The following ANKS6 variants were observed in gnomAD, a reference collection of about 807,000 sequenced individuals.
The protein encoded by ANKS6 is ankyrin repeat and sterile alpha motif domain containing 6.
Under a neutral mutation model 77.9 loss-of-function variants are expected in ANKS6, and 47 were observed. The observed-to-expected ratio is 0.60, with a 90% CI of 0.48 to 0.77. The LOEUF (loss-of-function observed/expected upper bound fraction) is 0.77. ANKS6 is among the 30% of genes least tolerant of loss of function. ANKS6 has a pLI of 0.00. For missense variants in ANKS6, 1,150 were observed against 1,159.1 expected (o/e 0.99, Z 0.11); for synonymous variants, 488 against 501.7 (o/e 0.97, Z 0.37).
intron 14 of ANKS6, among the ~76,000 whole-genome samples, chr9:98,740,792 GA>G (rs796612310): frequency 4.6e-5 from 7 of 150,808 alleles, no homozygotes; most frequent in African/African-American, 1.5e-4. Flanking sequence ...TTCTCAAAAG[GA>G]AAAAAAACAG....
At chr9:98,751,150 G>C in intron 12 of ANKS6, 54 bp from the exon 13 acceptor site, 1 of 1,407,988 alleles carries the variant, frequency 7.1e-7, no homozygotes, top group Non-Finnish European at 9.9e-7. Flanking sequence ...TTGGTAAAGT[G>C]GTCTTCAAAC....
chr9:98,736,167 C>T lies in ANKS6; in HGVS notation c.*352G>A, dbSNP rs142157174. 2.8e-5 allele frequency: 33 copies of T among 1,160,506 alleles called. No individual in the cohort carries two copies. The Middle Eastern group carries it at 1.1e-3, about 37-fold the overall frequency. 71.9% of individuals were successfully genotyped at this position (1,160,506 alleles called of 1,614,324 possible). ...GCAAGGCAGGTAAGAAGCAGCCGTG[C>T]CTTCTCCATCGTCCCTTTCCCTTGC... On this transcript the variant is annotated 3_prime_UTR_variant, in exon 15 of 15. Transcript: ENST00000353234.
Position 98,734,139 on chromosome 9 carries a change from G to A in ANKS6, c.*2380C>T, listed in dbSNP as rs1831360226. On this transcript the variant is annotated 3_prime_UTR_variant, in exon 15 of 15. Transcript: ENST00000353234. The stretch of plus-strand genomic sequence containing the variant: ...TACCAGCCGCATCCAAACATCCCCA[G>A]AAAGGGTGCCAGGGACCTCTTGTGA... 1.0e-6 allele frequency: 1 copy of A among 985,374 alleles called. No individual in the cohort carries two copies. Among genetic ancestry groups the A allele is most frequent in the Non-Finnish European group, 1.2e-6 (1 of 830,022 alleles). The allele number at this position is 985,374 out of a possible 1,614,324, so 61.0% of individuals were successfully genotyped here.
At chr9:98,754,884 A>G (rs1832614751) in intron 12 of ANKS6, among the ~76,000 whole-genome samples, 1 of 152,186 alleles carries the variant, frequency 6.6e-6, no homozygotes, top group African/African-American at 2.4e-5. Context: ...GGGTACAAAC[A>G]GTCCATACAG....
chr9:98,793,513 T>C (rs577641924), intron 1 of ANKS6, among the ~76,000 whole-genome samples: 1 of 152,066 alleles, frequency 6.6e-6, no homozygotes, highest in Non-Finnish European at 1.5e-5. Context: ...AAAGGTTGTT[T>C]TTTGTTTTGT....
Position 98,760,931 on chromosome 9 carries a change from A to G in ANKS6, c.2143-4328T>C, listed in dbSNP as rs1008182604. ...AGTAGTCAGTTAGCTGGGTCATATC[A>G]TAAGTGAATGTTTAGTTTTATAAGA... On this transcript the variant is annotated intron_variant, in intron 11 of 14. Coordinates refer to ENST00000353234, the MANE Select transcript of ANKS6 (RefSeq NM_173551.5). Among the ~76,000 whole-genome samples the G allele has an allele frequency of 3.9e-5, 6 of 152,230 alleles. No individual in the cohort carries two copies. In the East Asian group the frequency reaches 9.6e-4, roughly 24 times the overall value.
At chr9:98,753,279 T>C (rs1172402657) in intron 12 of ANKS6, among the ~76,000 whole-genome samples, 3 of 152,220 alleles carry the variant, frequency 2.0e-5, no homozygotes, top group Non-Finnish European at 2.9e-5. Context: ...GCTGAGAGTT[T>C]TGTTTACATG....
chr9:98,786,803 G>C (rs1384185738), intron 2 of ANKS6, among the ~76,000 whole-genome samples: 4 of 152,184 alleles, frequency 2.6e-5, no homozygotes, highest in Admixed American at 6.5e-5. Flanking sequence ...CCTGGTCTTA[G>C]TGTTGGCTGC....
At chr9:98,778,468 A>G in intron 6 of ANKS6, 44 bp from the exon 7 acceptor site, 1 of 1,596,180 alleles carries the variant, frequency 6.3e-7, no homozygotes, top group South Asian at 1.1e-5. Context: ...CAGGAAGGGC[A>G]AGGAGACCAG....
At chr9:98,771,612 C>T (rs1397578959) in intron 9 of ANKS6, among the ~76,000 whole-genome samples, 1 of 152,232 alleles carries the variant, frequency 6.6e-6, no homozygotes, top group African/African-American at 2.4e-5. Context: ...GCTCCAGGCA[C>T]ACCAACCTCC....
At chr9:98,777,704 T>A (rs1176041509) in intron 7 of ANKS6, among the ~76,000 whole-genome samples, 1 of 152,220 alleles carries the variant, frequency 6.6e-6, no homozygotes, top group African/African-American at 2.4e-5. Context: ...ATAGTCTGTC[T>A]CAGACAGTGG....
chr9:98,766,284 T>C (rs1263568470), intron 11 of ANKS6, among the ~76,000 whole-genome samples: 1 of 152,178 alleles, frequency 6.6e-6, no homozygotes, highest in Non-Finnish European at 1.5e-5. Context: ...ATAGTTCATA[T>C]AATAGAGAAT....
intron 13 of ANKS6, 40 bp downstream of exon 13, chr9:98,750,989 T>C (rs370061822): frequency 3.8e-5 from 58 of 1,544,528 alleles, no homozygotes; most frequent in Non-Finnish European, 4.4e-5. Context: ...TTTTCTTTCA[T>C]AGTAAGATTT....
At position 98,774,456 on chromosome 9, in the gene ANKS6, G is replaced by A. The variant is rs965201613; in HGVS notation, c.1618-376C>T. ...CCTTTGTGGGAACCGAGCTGAGAAC[G>A]ACAGTTTAAGCTGGGCCAGTGAGGA... On this transcript the variant is annotated intron_variant, in intron 8 of 14. Transcript: ENST00000353234. 2.0e-5 allele frequency among the ~76,000 whole-genome samples: 3 copies of A among 152,182 alleles called. 1 individual carries two copies. The highest frequency in any genetic ancestry group is 4.1e-4 in the South Asian group (2 of 4,828).
chr9:98,778,186 C>T (rs748574494), intron 7 of ANKS6, 40 bp downstream of exon 7: 3 of 1,609,362 alleles, frequency 1.9e-6, no homozygotes, highest in Middle Eastern at 1.7e-4. Flanking sequence ...CAGGCTCAGA[C>T]CATTCCAAAA....
At chr9:98,757,737 G>A (rs1207859990) in intron 11 of ANKS6, among the ~76,000 whole-genome samples, 2 of 152,064 alleles carry the variant, frequency 1.3e-5, no homozygotes, top group Non-Finnish European at 2.9e-5. Context: ...GAGCAGCCTA[G>A]CCAATATGGT....
At chr9:98,795,101 T>A (rs1220240002) in intron 1 of ANKS6, among the ~76,000 whole-genome samples, 4 of 152,198 alleles carry the variant, frequency 2.6e-5, no homozygotes, top group African/African-American at 9.6e-5. Context: ...CCTTGCTGTC[T>A]CTCTTAACCC....
rs1489299720 is a variant in ANKS6, at chr9:98,733,729, G to A, written c.*2790C>T. 3.0e-6 allele frequency: 3 copies of A among 985,360 alleles called. No homozygotes were observed. Among genetic ancestry groups the A allele is most frequent in the Non-Finnish European group, 3.6e-6 (3 of 829,982 alleles). The allele number at this position is 985,360 out of a possible 1,614,324, so 61.0% of individuals were successfully genotyped here. A position where few individuals can be genotyped will look rare whatever the true frequency, so the allele number is the denominator to read the frequency against. Reference sequence around the variant, plus strand: ...GCCTGACCCATGCTGGCATGCTGAAGGTTGTGAGAGGCCTGTAGCAAAGAT... The same window carrying A: ...GCCTGACCCATGCTGGCATGCTGAAAGTTGTGAGAGGCCTGTAGCAAAGAT... On this transcript the variant is annotated 3_prime_UTR_variant, in exon 15 of 15. Coordinates refer to ENST00000353234, the MANE Select transcript of ANKS6 (RefSeq NM_173551.5).
rs555306775 is a variant in ANKS6, at chr9:98,742,090, C to A, written c.2511+3469G>T. On this transcript the variant is annotated intron_variant, in intron 14 of 14. Transcript: ENST00000353234. ...GTGGACCACAGCTAGAAAGACACTG[C>A]GGGCAAGGAAAGCTGGGCCTCCCCG... 2.0e-5 allele frequency among the ~76,000 whole-genome samples: 3 copies of A among 152,296 alleles called. No homozygotes were observed. In the South Asian group the frequency reaches 6.2e-4, roughly 32 times the overall value.
Sources: gnomAD v4.1 joint callset for allele counts (sites outside exome capture counted in the v4.1 genomes callset) on GRCh38, gnomAD v4.1.1 for gene constraint, MANE v1.5 for transcripts, NCBI Gene and HGNC (gene_info 2026-07-23, HGNC 2026-07-21) for gene names.